TEKT1: variants seen among roughly 807,000 people sequenced by gnomAD.
TEKT1 encodes tektin-1.
TEKT1 carries 32 observed loss-of-function variants against 34.8 expected under a neutral mutation model. The ratio of observed to expected loss-of-function variants is 0.92; its 90% CI spans 0.69 to 1.23. TEKT1 has a LOEUF of 1.23. TEKT1 is among the 50% of genes most tolerant of loss of function. The pLI, the probability that TEKT1 is intolerant of heterozygous loss-of-function variation, is 0.00. For missense variants in TEKT1, 492 were observed against 518.5 expected (o/e 0.95, Z 0.50); for synonymous variants, 207 against 199.8 (o/e 1.04, Z -0.30).
rs1405626065 is a variant in TEKT1, at chr17:6,815,083, G to A, written c.629+80C>T. On this transcript the variant is annotated intron_variant, in intron 5 of 7. Transcript: ENST00000338694. The stretch of plus-strand genomic sequence containing the variant: ...ACCACTTCCAAGCTCTCAGCCAGCT[G>A]CAAGGACGAGCCGCTAGGTCTTGCC... The A allele has an allele frequency of 3.9e-6, 6 of 1,521,082 alleles. No homozygotes were observed. The Admixed American group carries it at 1.0e-4, about 26-fold the overall frequency. 94.2% of individuals were successfully genotyped at this position (1,521,082 alleles called of 1,614,324 possible). A position where few individuals can be genotyped will look rare whatever the true frequency, so the allele number is the denominator to read the frequency against.
intron 3 of TEKT1, among the ~76,000 whole-genome samples, chr17:6,816,488 T>G (rs1382792020): frequency 1.3e-5 from 2 of 152,200 alleles, no homozygotes; most frequent in Non-Finnish European, 2.9e-5. Context: ...AGTGTTTGGT[T>G]TTCTGTCCTT....
intron 6 of TEKT1, among the ~76,000 whole-genome samples, chr17:6,804,122 C>A (rs955928442): frequency 6.6e-6 from 1 of 151,946 alleles, no homozygotes; most frequent in African/African-American, 2.4e-5. Context: ...TGTTTGTATC[C>A]TCTTTTATTT....
At position 6,820,001 on chromosome 17, in the gene TEKT1, G is replaced by A. The variant is rs373372821; in HGVS notation, c.191-643C>T. Among the ~76,000 whole-genome samples the A allele has an allele frequency of 2.8e-4, 43 of 152,148 alleles. No homozygotes were observed. The East Asian group carries it at 7.9e-3, about 28-fold the overall frequency. ...CTGCGCCAGGCCCCTTATCACTTCT[G>A]ACATTTGCTTATACTGCTATTCACT... On this transcript the variant is annotated intron_variant, in intron 2 of 7. Transcript: ENST00000338694.
At chr17:6,824,024 G>T (rs530263697) in intron 2 of TEKT1, among the ~76,000 whole-genome samples, 1 of 151,858 alleles carries the variant, frequency 6.6e-6, no homozygotes, top group Non-Finnish European at 1.5e-5. Context: ...AGGTCTCACC[G>T]TGTTAGCCAG....
intron 4 of TEKT1, 118 bp from the exon 5 acceptor site, chr17:6,815,424 GC>G: frequency 8.2e-7 from 1 of 1,215,356 alleles, no homozygotes; most frequent in Non-Finnish European, 1.2e-6. Flanking sequence ...TGATGGTACT[GC>G]CCCCCACCCA....
At chr17:6,828,432 G>C (rs937893977) in intron 2 of TEKT1, among the ~76,000 whole-genome samples, 1 of 152,158 alleles carries the variant, frequency 6.6e-6, no homozygotes, top group Non-Finnish European at 1.5e-5. Context: ...CCATAAACGT[G>C]TTTGTTCAGC....
At position 6,815,864 on chromosome 17, in the gene TEKT1, C is replaced by T. The variant is rs147366277; in HGVS notation, c.455G>A (p.Arg152His). 41 of 1,614,074 alleles carry T rather than the reference C, an allele frequency of 2.5e-5. No individual in the cohort carries two copies. The East Asian group carries it at 3.6e-4, about 14-fold the overall frequency. Residue 152 changes from arginine (R) to histidine (H), a missense_variant, in exon 4 of 8, where the codon CGT (arginine) becomes CAT (histidine). Physicochemically the swap from Arg to His is conservative, Grantham distance 29 (BLOSUM62 0). Transcript: ENST00000338694. ...CTGCTCGGAAGCCTCCTCCAAGGTA[C>T]GGGTCAGCAGAGCCATAATGCCCTG... is the stretch of plus-strand genomic sequence containing the variant. Reference protein sequence around the residue: ...IIQGIMALLTRTLEEASEQIR... With the variant: ...IIQGIMALLTHTLEEASEQIR...
chr17:6,811,083 T>C lies in TEKT1; in HGVS notation c.852+1748A>G, dbSNP rs1174329764. The stretch of plus-strand genomic sequence containing the variant: ...TTGTTTTATTACCAGTATGTCTTTG[T>C]TTCTGCTCCTTAGCCTCTTCTCTTC... On this transcript the variant is annotated intron_variant, in intron 6 of 7. Coordinates refer to ENST00000338694, the MANE Select transcript of TEKT1 (RefSeq NM_053285.2). The surrounding 1 kb of genome is among the most constrained non-coding windows in gnomAD (Gnocchi z 4.4). 6.6e-6 allele frequency among the ~76,000 whole-genome samples: 1 copy of C among 152,080 alleles called. No individual in the cohort carries two copies. Among genetic ancestry groups the C allele is most frequent in the Non-Finnish European group, 1.5e-5 (1 of 68,008 alleles).
chr17:6,809,927 C>G (rs1446192211), intron 6 of TEKT1, among the ~76,000 whole-genome samples: 2 of 152,204 alleles, frequency 1.3e-5, no homozygotes, highest in Non-Finnish European at 2.9e-5. Flanking sequence ...TTTTGGCAAT[C>G]ATGAATAAAG....
At chr17:6,820,305 A>G (rs1361728400) in intron 2 of TEKT1, among the ~76,000 whole-genome samples, 2 of 151,828 alleles carry the variant, frequency 1.3e-5, no homozygotes, top group South Asian at 2.1e-4. Context: ...TTCTTTTTTA[A>G]ATGATAATTA....
At position 6,826,870 on chromosome 17, in the gene TEKT1, T is replaced by TG. The variant is rs142835111; in HGVS notation, c.190+3316dup. 6.6e-5 allele frequency among the ~76,000 whole-genome samples: 10 copies of TG among 151,530 alleles called. No homozygotes were observed. The East Asian group carries it at 1.8e-3, about 27-fold the overall frequency. On this transcript the variant is annotated intron_variant, in intron 2 of 7. Transcript: ENST00000338694. ...GCCACCACGCCCAGCTAATTTTTAG[T>TG]GTTTTTAGTAGAGATGGAGTTTCAC...
Position 6,811,396 on chromosome 17 carries a change from G to A in TEKT1, c.852+1435C>T, listed in dbSNP as rs1976926085. Reference sequence around the variant, plus strand: ...ATATGAGTTGTCTAACTTAACCCTGGCTGGGGAAGACTATTGTTTCTCCCC... The same window carrying A: ...ATATGAGTTGTCTAACTTAACCCTGACTGGGGAAGACTATTGTTTCTCCCC... On this transcript the variant is annotated intron_variant, in intron 6 of 7. Coordinates refer to ENST00000338694, the MANE Select transcript of TEKT1 (RefSeq NM_053285.2). This position sits in a 1 kb window ranked among gnomAD's most constrained non-coding sequence, Gnocchi z 4.4. 1.3e-5 allele frequency among the ~76,000 whole-genome samples: 2 copies of A among 151,628 alleles called. No homozygotes were observed. The highest frequency in any genetic ancestry group is 4.9e-5 in the African/African-American group (2 of 41,216).
rs1013866645 is a variant in TEKT1 at position 6,815,886 on chromosome 17, C to T, written c.433G>A (p.Gly145Ser). The T allele has an allele frequency of 9.9e-6, 16 of 1,614,070 alleles. No homozygotes were observed. Among genetic ancestry groups the T allele is most frequent in the Non-Finnish European group, 1.3e-5 (15 of 1,180,044 alleles). The part of the protein sequence containing the change: ...ELIKEAEIIQ[G>S]IMALLTRTLE... ...GTACGGGTCAGCAGAGCCATAATGC[C>T]CTGGATGATCTCAGCCTCCTTTATC... is the stretch of plus-strand genomic sequence containing the variant. Residue 145 changes from glycine to serine, a missense_variant, in exon 4 of 8, where the codon GGC becomes AGC. Transcript: ENST00000338694.
chr17:6,816,574 T>C (rs978492823), intron 3 of TEKT1, among the ~76,000 whole-genome samples: 2 of 152,216 alleles, frequency 1.3e-5, no homozygotes, highest in African/African-American at 4.8e-5. Context: ...TCCTTTTTTA[T>C]GGCTGCATAG....
intron 7 of TEKT1, 149 bp downstream of exon 7, chr17:6,800,598 G>T: frequency 2.1e-6 from 2 of 964,054 alleles, no homozygotes; most frequent in Non-Finnish European, 3.0e-6. Context: ...TTGGCGGGAG[G>T]TGGTGGAGAC....
chr17:6,819,814 A>G (rs1977060983), intron 2 of TEKT1, among the ~76,000 whole-genome samples: 1 of 152,118 alleles, frequency 6.6e-6, no homozygotes, highest in South Asian at 2.1e-4. Flanking sequence ...CAACCTCCCG[A>G]GTAGCTGTGA....
intron 2 of TEKT1, among the ~76,000 whole-genome samples, chr17:6,829,137 C>T (rs796851659): frequency 4.6e-5 from 7 of 152,246 alleles, no homozygotes; most frequent in African/African-American, 1.2e-4. Flanking sequence ...TGTGATGGAG[C>T]GAGACTCTGT....
rs144552418 is a variant in TEKT1 at position 6,812,367 on chromosome 17, G to A, written c.852+464C>T. Among the ~76,000 whole-genome samples the A allele has an allele frequency of 2.6e-3, 402 of 152,254 alleles. 6 individuals carry two copies. The highest frequency in any genetic ancestry group is 0.022 in the East Asian group (116 of 5,172). On this transcript the variant is annotated intron_variant, in intron 6 of 7. Coordinates refer to ENST00000338694, the MANE Select transcript of TEKT1 (RefSeq NM_053285.2). ...TTACCAGCGCAACACTGTATAACCAGGAGAAACGACCAGCTAGAGTCCTAA... is the reference window on the plus strand; with the variant it reads ...TTACCAGCGCAACACTGTATAACCAAGAGAAACGACCAGCTAGAGTCCTAA...
chr17:6,809,452 G>C (rs947942981), intron 6 of TEKT1, among the ~76,000 whole-genome samples: 5 of 152,222 alleles, frequency 3.3e-5, no homozygotes, highest in Middle Eastern at 3.4e-3. Flanking sequence ...AGCTGGTCTT[G>C]AACCTCTGAC....
Sources: allele counts gnomAD v4.1 joint callset (sites outside exome capture counted in the v4.1 genomes callset), GRCh38; gene constraint gnomAD v4.1.1; non-coding constraint Gnocchi (gnomAD v3.1); transcripts MANE v1.5; gene names NCBI Gene and HGNC (gene_info 2026-07-23, HGNC 2026-07-21).